The following MOV10L1 variants were observed in gnomAD, a reference collection of about 807,000 sequenced individuals.
MOV10L1 encodes the protein Mov10 like RNA helicase 1, also known as RNA helicase Mov10l1.
In MOV10L1, 110 loss-of-function variants were observed where a neutral mutation model predicts 143.8. The observed-to-expected ratio is 0.76, with a 90% CI of 0.66 to 0.90. The LOEUF (loss-of-function observed/expected upper bound fraction) is 0.90. Ranked by LOEUF, MOV10L1 falls within the 40% of genes least tolerant of loss-of-function variation. MOV10L1 has a pLI of 0.00. For synonymous variants in MOV10L1, 593 were observed against 581.1 expected, an observed-to-expected ratio of 1.02 and a Z score of -0.29; for missense variants, 1,406 against 1,526.8, an observed-to-expected ratio of 0.92 and a Z score of 1.32.
intron 13 of MOV10L1, 68 bp downstream of exon 13, chr22:50,128,575 C>CAAAAAA: frequency 1.3e-6 from 1 of 745,456 alleles, no homozygotes; most frequent in Non-Finnish European, 2.1e-6. Flanking sequence ...GACTGGGTCT[C>CAAAAAA]ATTCTGTTGC....
intron 15 of MOV10L1, among the ~76,000 whole-genome samples, chr22:50,135,239 C>G (rs769253134): frequency 2.6e-5 from 4 of 151,822 alleles, no homozygotes; most frequent in Non-Finnish European, 5.9e-5. Flanking sequence ...GTCTCGATCT[C>G]CTGATCTTGT....
At chr22:50,090,274 T>G (rs2062392951) in intron 1 of MOV10L1, 89 bp downstream of exon 1, 3 of 1,445,172 alleles carry the variant, frequency 2.1e-6, no homozygotes, top group Non-Finnish European at 2.7e-6. Context: ...TTGAGTGCAG[T>G]GCGGGCCGGC....
rs943347591 is a variant in MOV10L1 at position 50,090,052 on chromosome 22, C to A, written c.-37C>A. 9 of 837,604 alleles carry A rather than the reference C, an allele frequency of 1.1e-5. No homozygotes were observed. Among genetic ancestry groups the A allele is most frequent in the Non-Finnish European group, 1.4e-5 (9 of 656,146 alleles). 51.9% of individuals were successfully genotyped at this position (837,604 alleles called of 1,614,324 possible). On this transcript the variant is annotated 5_prime_UTR_variant, in exon 1 of 27. Transcript: ENST00000262794. Reference sequence around the variant, plus strand: ...CGGCGCGGGCGCGTGCGGGCGGCGGCAGCGGCGGTGACGGCAGCCTAGGCC... The same window carrying A: ...CGGCGCGGGCGCGTGCGGGCGGCGGAAGCGGCGGTGACGGCAGCCTAGGCC...
At chr22:50,130,058 T>C (rs1219033684) in intron 13 of MOV10L1, among the ~76,000 whole-genome samples, 1 of 152,118 alleles carries the variant, frequency 6.6e-6, no homozygotes, top group Non-Finnish European at 1.5e-5. Flanking sequence ...GGTGGATCTC[T>C]TGAGGTCAGG....
intron 21 of MOV10L1, among the ~76,000 whole-genome samples, chr22:50,151,226 G>A (rs1273951417): frequency 6.6e-6 from 1 of 152,232 alleles, no homozygotes; most frequent in African/African-American, 2.4e-5. Flanking sequence ...TGACCCCAAG[G>A]TCCCACTGAA....
chr22:50,104,171 T>C (rs1244753402), intron 3 of MOV10L1, among the ~76,000 whole-genome samples: 1 of 152,180 alleles, frequency 6.6e-6, no homozygotes, highest in East Asian at 1.9e-4. Flanking sequence ...GCTGATCTGA[T>C]AGGAGGTGGC....
chr22:50,096,417 C>T (rs960537648), intron 2 of MOV10L1: 11 of 152,204 alleles, frequency 7.2e-5, no homozygotes, highest in Non-Finnish European at 1.3e-4. Context: ...GTTGTTTCTA[C>T]TTTTTGGTTG....
rs1204758107 is a variant in MOV10L1 at position 50,152,791 on chromosome 22, C to T, written c.2893-254C>T. On this transcript the variant is annotated intron_variant, in intron 21 of 26. Coordinates refer to ENST00000262794, the MANE Select transcript of MOV10L1 (RefSeq NM_018995.3). The surrounding 1 kb of genome is among the most constrained non-coding windows in gnomAD (Gnocchi z 4.4). ...AAGAGGCCCCTCAGCGGCACCCAGA[C>T]CCAGGAGAGGAACAGAGGGCAGCCG... Among the ~76,000 whole-genome samples the T allele has an allele frequency of 6.6e-6, 1 of 152,168 alleles. No individual in the cohort carries two copies. Among genetic ancestry groups the T allele is most frequent in the African/African-American group, 2.4e-5 (1 of 41,442 alleles).
At chr22:50,101,549 C>T (rs962375959) in intron 3 of MOV10L1, among the ~76,000 whole-genome samples, 6 of 147,554 alleles carry the variant, frequency 4.1e-5, no homozygotes, top group African/African-American at 1.2e-4. Context: ...GACAGAGTTT[C>T]GCTCTTGTTG....
chr22:50,161,535 C>A lies in MOV10L1; in HGVS notation c.*86C>A. The A allele has an allele frequency of 1.5e-6, 2 of 1,323,656 alleles. No homozygotes were observed. The highest frequency in any genetic ancestry group is 1.0e-6 in the Non-Finnish European group (1 of 963,106). The allele number at this position is 1,323,656 out of a possible 1,614,324, so 82.0% of individuals were successfully genotyped here. A position where few individuals can be genotyped will look rare whatever the true frequency, so the allele number is the denominator to read the frequency against. On this transcript the variant is annotated 3_prime_UTR_variant, in exon 27 of 27. Coordinates refer to ENST00000262794, the MANE Select transcript of MOV10L1 (RefSeq NM_018995.3). ...CTGCTCCGTGGCTCCTGTGGCCTGC[C>A]CTTGTCTCGCAGCCAGGCAGGGTCG...
At chr22:50,109,379 G>A (rs1387441140) in intron 5 of MOV10L1, among the ~76,000 whole-genome samples, 1 of 151,434 alleles carries the variant, frequency 6.6e-6, no homozygotes, top group Non-Finnish European at 1.5e-5. Flanking sequence ...TAAAAAATTA[G>A]CCAAGCGAGG....
At chr22:50,097,031 A>G (rs1041927314) in intron 2 of MOV10L1, among the ~76,000 whole-genome samples, 2 of 152,182 alleles carry the variant, frequency 1.3e-5, no homozygotes, top group Admixed American at 1.3e-4. Context: ...CACTCAAGAT[A>G]CCATTGACTA....
chr22:50,140,690 C>T (rs2078205), intron 15 of MOV10L1, among the ~76,000 whole-genome samples: 32,947 of 152,042 alleles, frequency 0.22, 3,951 homozygotes, highest in Admixed American at 0.35. Flanking sequence ...CTGTTTTAGA[C>T]TAAAACTTAG....
At chr22:50,142,466 C>T (rs966513936) in intron 16 of MOV10L1, among the ~76,000 whole-genome samples, 1 of 151,994 alleles carries the variant, frequency 6.6e-6, no homozygotes, top group Admixed American at 6.6e-5. Context: ...TCTCTAAAGC[C>T]GCAGAATCGG....
At chr22:50,149,831 A>T in intron 20 of MOV10L1, 117 bp downstream of exon 20, 1 of 842,512 alleles carries the variant, frequency 1.2e-6, no homozygotes, top group Non-Finnish European at 1.9e-6. Context: ...GGAAGTGCCA[A>T]GGACCCCGAG....
chr22:50,112,401 G>C (rs2062049517), intron 5 of MOV10L1, among the ~76,000 whole-genome samples: 1 of 152,224 alleles, frequency 6.6e-6, no homozygotes, highest in Non-Finnish European at 1.5e-5. Flanking sequence ...CTCATCCCCA[G>C]GCAGAAGCTG....
At position 50,090,117 on chromosome 22, in the gene MOV10L1, C is replaced by T; in HGVS notation, c.29C>T (p.Ala10Val). 7 of 1,367,712 alleles carry T rather than the reference C, an allele frequency of 5.1e-6. No homozygotes were observed. The highest frequency in any genetic ancestry group is 6.1e-5 in the East Asian group (2 of 32,742). 84.7% of individuals were successfully genotyped at this position (1,367,712 alleles called of 1,614,324 possible). A position where few individuals can be genotyped will look rare whatever the true frequency, so the allele number is the denominator to read the frequency against. MLSLAAKLV[A>V]FFWRTADTPR... is the part of the protein sequence containing the mutation. The stretch of plus-strand genomic sequence containing the variant: ...CTGAGCCTCGCAGCCAAGCTGGTGG[C>T]CTTCTTCTGGAGGACGGCGGACACC... The change falls in exon 1 of 27, where the codon GCC becomes GTC. Residue 10 changes from alanine to valine, a missense_variant. By Grantham distance (64) the Ala-to-Val change is moderately conservative. This residue lies in a region of MOV10L1 where 166 missense variants were observed against 153.9 expected (regional missense o/e 1.08). Transcript: ENST00000262794.
At chr22:50,155,389 T>C (rs2063400139) in intron 22 of MOV10L1, among the ~76,000 whole-genome samples, 1 of 151,780 alleles carries the variant, frequency 6.6e-6, no homozygotes, top group Admixed American at 6.6e-5. Context: ...GCCTCCCAAG[T>C]AGCTGGGACT....
Position 50,141,060 on chromosome 22 carries a change from T to G in MOV10L1, c.2071-1021T>G, listed in dbSNP as rs116869697. Among the ~76,000 whole-genome samples the G allele has an allele frequency of 8.3e-3, 1,267 of 152,250 alleles. 15 individuals carry two copies. The highest frequency in any genetic ancestry group is 0.053 in the East Asian group (274 of 5,176). On this transcript the variant is annotated intron_variant, in intron 15 of 26. Coordinates refer to ENST00000262794, the MANE Select transcript of MOV10L1 (RefSeq NM_018995.3). ...AATTCTTGTGTAGGATCCTTTTTTT[T>G]TTTTGTTTTGAGACAGAGTCTCGCT...
Sources: allele counts gnomAD v4.1 joint callset (sites outside exome capture counted in the v4.1 genomes callset), GRCh38; gene constraint gnomAD v4.1.1; regional missense constraint gnomAD v4.1.1; non-coding constraint Gnocchi (gnomAD v3.1); transcripts MANE v1.5; gene names NCBI Gene and HGNC (gene_info 2026-07-23, HGNC 2026-07-21).